ANKRD17: variants seen among roughly 807,000 people sequenced by gnomAD.
The protein encoded by ANKRD17 is ankyrin repeat domain-containing protein 17.
Under a neutral mutation model 229.7 loss-of-function variants are expected in ANKRD17, and 19 were observed. The ratio of observed to expected loss-of-function variants is 0.08; its 90% CI spans 0.06 to 0.12. The LOEUF (loss-of-function observed/expected upper bound fraction) is 0.12. Among genes scored for constraint, ANKRD17 ranks in the 10% least tolerant of loss-of-function variants. The pLI is 1.00. For missense variants in ANKRD17, 2,176 were observed against 3,176.8 expected (o/e 0.68, Z 7.57); for synonymous variants, 1,112 against 1,146.1 (o/e 0.97, Z 0.60).
At chr4:73,092,833 A>G (rs1469512430) in intron 28 of ANKRD17, among the ~76,000 whole-genome samples, 4 of 152,220 alleles carry the variant, frequency 2.6e-5, no homozygotes, top group Non-Finnish European at 4.4e-5. Context: ...TAGTTTGTCT[A>G]TTAATAGGAT....
intron 1 of ANKRD17, among the ~76,000 whole-genome samples, chr4:73,207,649 G>A (rs1020391055): frequency 1.3e-5 from 2 of 152,138 alleles, no homozygotes; most frequent in Non-Finnish European, 2.9e-5. Context: ...GTACACTTCA[G>A]CAAAACAACA....
At chr4:73,153,642 C>T (rs979140734) in intron 6 of ANKRD17, among the ~76,000 whole-genome samples, 2 of 152,118 alleles carry the variant, frequency 1.3e-5, no homozygotes, top group Admixed American at 1.3e-4. Context: ...AGAACTGTTT[C>T]TGATAAAACA....
Position 73,183,548 on chromosome 4 carries a change from G to A in ANKRD17, c.394-6015C>T, listed in dbSNP as rs984441076. ...GGTTCACTGCAGCCTCTGGCCTCCT[G>A]GGTTCAAGCGATTCTCCCACCTCAG... On this transcript the variant is annotated intron_variant, in intron 1 of 33. Transcript: ENST00000358602. 2.0e-5 allele frequency among the ~76,000 whole-genome samples: 3 copies of A among 152,166 alleles called. No homozygotes were observed. In the East Asian group the frequency reaches 5.8e-4, roughly 29 times the overall value.
chr4:73,195,757 T>C (rs1737778905), intron 1 of ANKRD17, among the ~76,000 whole-genome samples: 2 of 152,180 alleles, frequency 1.3e-5, no homozygotes. Context: ...TCTGCCCACC[T>C]TGGCCTCCCA....
chr4:73,155,353 C>A (rs1441140450), intron 5 of ANKRD17, among the ~76,000 whole-genome samples: 3 of 152,188 alleles, frequency 2.0e-5, no homozygotes, highest in East Asian at 1.9e-4. Context: ...ACGGCCCACA[C>A]CTCTCAATTT....
intron 5 of ANKRD17, 109 bp from the exon 6 acceptor site, chr4:73,154,222 TATTAA>T (rs1402397407): frequency 1.7e-6 from 1 of 571,810 alleles, no homozygotes; most frequent in Admixed American, 3.8e-5. Flanking sequence ...CCATAATAAA[TATTAA>T]ATTACATATA....
intron 26 of ANKRD17, among the ~76,000 whole-genome samples, chr4:73,097,566 C>T (rs1578035648): frequency 6.6e-6 from 1 of 151,696 alleles, no homozygotes; most frequent in East Asian, 1.9e-4. Context: ...TCCTGAGTAG[C>T]TGGGACCACA....
At chr4:73,193,862 G>A (rs558425833) in intron 1 of ANKRD17, among the ~76,000 whole-genome samples, 2 of 152,134 alleles carry the variant, frequency 1.3e-5, no homozygotes, top group Non-Finnish European at 1.5e-5. Context: ...AGCCCAGGAG[G>A]TTGAGGCTGC....
chr4:73,161,193 T>C lies in ANKRD17; in HGVS notation c.703A>G (p.Asn235Asp). Reference sequence around the variant, plus strand: ...TGATGGCAGCAAAAATGTACTTACTTGTCCGACTGCCCTGCATTTGCTGTG... The same window carrying C: ...TGATGGCAGCAAAAATGTACTTACTCGTCCGACTGCCCTGCATTTGCTGTG... The part of the protein sequence containing the change: ...ESTANAGQSD[N>D]RSLAEACSEG... The change falls in exon 3 of 34, where the codon AAC becomes GAC. Residue 235 changes from asparagine to aspartate, a missense_variant and splice_region_variant. By Grantham distance (23) the Asn-to-Asp change is conservative (BLOSUM62 1). Coordinates refer to ENST00000358602, the MANE Select transcript of ANKRD17 (RefSeq NM_032217.5). The C allele has an allele frequency of 6.2e-7, 1 of 1,612,018 alleles. No individual in the cohort carries two copies. Among genetic ancestry groups the C allele is most frequent in the Non-Finnish European group, 8.5e-7 (1 of 1,179,418 alleles).
chr4:73,142,464 C>T, intron 12 of ANKRD17, 79 bp from the exon 13 acceptor site: 1 of 1,565,328 alleles, frequency 6.4e-7, no homozygotes, highest in Non-Finnish European at 8.6e-7. Context: ...AAGATAAAGC[C>T]AACAGGTCCC....
chr4:73,240,355 G>T (rs1394946786), intron 1 of ANKRD17, among the ~76,000 whole-genome samples: 1 of 151,966 alleles, frequency 6.6e-6, no homozygotes, highest in African/African-American at 2.4e-5. Context: ...TGGGCACATG[G>T]GCTCATGCCT....
Position 73,120,211 on chromosome 4 carries a change from T to C in ANKRD17, c.3976A>G (p.Ile1326Val), listed in dbSNP as rs749511206. 1.1e-5 allele frequency: 17 copies of C among 1,614,000 alleles called. No individual in the cohort carries two copies. The highest frequency in any genetic ancestry group is 1.4e-5 in the Non-Finnish European group (17 of 1,180,018). Residue 1326 changes from isoleucine to valine, a missense_variant, in exon 21 of 34, where the codon ATA becomes GTA. Ile to Val is a conservative substitution (Grantham distance 29). This residue lies in a region of ANKRD17 where 178 missense variants were observed against 421.7 expected (regional missense o/e 0.42). Transcript: ENST00000358602. ...VPSSRDTALT[I>V]AADKGHYKFC... ...TTGTAATGCCCTTTATCTGCTGCTA[T>C]GGTTAAAGCTGTATCTCTTGAGGAG...
chr4:73,179,512 ATATATATTT>A (rs1735233132), intron 1 of ANKRD17, among the ~76,000 whole-genome samples: 2 of 70,556 alleles, frequency 2.8e-5, no homozygotes, highest in Admixed American at 1.9e-4. Context: ...ATATATATAT[ATATATATTT>A]TTTTTTTTTT....
chr4:73,156,255 T>A, intron 3 of ANKRD17, 89 bp from the exon 4 acceptor site: 1 of 1,451,946 alleles, frequency 6.9e-7, no homozygotes, highest in Non-Finnish European at 9.1e-7. Flanking sequence ...TTTTGTTTTT[T>A]GTTGTTTAGA....
chr4:73,125,469 T>C (rs1727307577), intron 16 of ANKRD17, among the ~76,000 whole-genome samples, 157 bp from the exon 17 acceptor site: 1 of 152,116 alleles, frequency 6.6e-6, no homozygotes, highest in African/African-American at 2.4e-5. Flanking sequence ...GCGTGGTGGC[T>C]CACGCCTGTA....
chr4:73,227,281 G>T (rs756929273), intron 1 of ANKRD17, among the ~76,000 whole-genome samples: 7 of 152,048 alleles, frequency 4.6e-5, no homozygotes, highest in Non-Finnish European at 7.4e-5. Flanking sequence ...AGCCTCCCGA[G>T]TAGCTGGGAT....
chr4:73,234,403 C>A (rs574901497), intron 1 of ANKRD17, among the ~76,000 whole-genome samples: 2 of 152,104 alleles, frequency 1.3e-5, no homozygotes, highest in African/African-American at 4.8e-5. Flanking sequence ...GTTGGTTGTT[C>A]TTTTATTCAT....
chr4:73,204,828 T>G (rs958135291), intron 1 of ANKRD17, among the ~76,000 whole-genome samples: 1 of 152,136 alleles, frequency 6.6e-6, no homozygotes, highest in Non-Finnish European at 1.5e-5. Flanking sequence ...ACATATATAT[T>G]ACAAGCACTA....
chr4:73,231,529 G>A (rs1743044859), intron 1 of ANKRD17, among the ~76,000 whole-genome samples: 1 of 152,176 alleles, frequency 6.6e-6, no homozygotes, highest in Admixed American at 6.5e-5. Flanking sequence ...TGTAACTTTT[G>A]CAAGCAATTA....
Sources: gnomAD v4.1 joint callset for allele counts (sites outside exome capture counted in the v4.1 genomes callset) on GRCh38, gnomAD v4.1.1 for gene constraint, gnomAD v4.1.1 regional missense constraint, MANE v1.5 for transcripts, NCBI Gene and HGNC (gene_info 2026-07-23, HGNC 2026-07-21) for gene names.